Variants in COL4A5 observed in about 807,000 individuals in gnomAD.
COL4A5 encodes collagen alpha-5(IV) chain.
In COL4A5, 26 loss-of-function variants were observed where a neutral mutation model predicts 130.2. That is an observed-to-expected ratio of 0.20 (90% CI 0.15 to 0.28). The LOEUF (loss-of-function observed/expected upper bound fraction) is 0.28. Among genes scored for constraint, COL4A5 ranks in the 10% least tolerant of loss-of-function variants. The pLI is 1.00. For missense variants in COL4A5, 1,131 were observed against 1,344.3 expected, an observed-to-expected ratio of 0.84 and a Z score of 2.48; for synonymous variants, 496 against 439.6, an observed-to-expected ratio of 1.13 and a Z score of -1.60.
chrX:108,609,871 T>G (rs1331052556), intron 29 of COL4A5, among the ~76,000 whole-genome samples: 2 of 110,791 alleles, frequency 1.8e-5, no homozygotes, highest in Non-Finnish European at 3.8e-5. Flanking sequence ...TTTTATTTAT[T>G]TATTTTGCTG....
chrX:108,532,926 T>G, intron 1 of COL4A5, among the ~76,000 whole-genome samples: 1 of 112,042 alleles, frequency 8.9e-6, no homozygotes, highest in Non-Finnish European at 1.9e-5. Flanking sequence ...TACTCATGGA[T>G]CAGAAGAATT....
chrX:108,519,142 G>A (rs1251915595), intron 1 of COL4A5, among the ~76,000 whole-genome samples: 1 of 110,994 alleles, frequency 9.0e-6, no homozygotes, highest in African/African-American at 3.3e-5. Context: ...GATTGTGATA[G>A]GATATCAATA....
In COL4A5 at chrX:108,624,559, CT is replaced by C. The variant is rs200028646; in HGVS notation, c.3016+230del. Among the ~76,000 whole-genome samples, 7,932 of 112,020 alleles carry C rather than the reference CT, an allele frequency of 0.071. 302 individuals are homozygous for C. The highest frequency in any genetic ancestry group is 0.11 in the Non-Finnish European group (5,955 of 53,087). ...TTTTGCCTTGATTATTCAGTTTCTT[CT>C]TTTTGTGGCAGCAGGGTATACACAG... On this transcript the variant is annotated intron_variant, in intron 34 of 52. Coordinates refer to ENST00000328300, the MANE Select transcript of COL4A5 (RefSeq NM_033380.3).
chrX:108,550,071 G>C (rs1052809021), intron 2 of COL4A5, among the ~76,000 whole-genome samples: 1 of 111,732 alleles, frequency 8.9e-6, no homozygotes, highest in African/African-American at 3.2e-5. Context: ...TTCCAGAAGA[G>C]TTTACTGATG....
intron 26 of COL4A5, 152 bp from the exon 27 acceptor site, chrX:108,601,733 G>T (rs1251875897): frequency 8.4e-6 from 4 of 473,434 alleles, no homozygotes; most frequent in Non-Finnish European, 1.5e-5. Context: ...GTTTCTCCAC[G>T]TTGGCCAGGC....
rs764389956 is a variant in COL4A5 at position 108,666,548 on chromosome X, C to T, written c.3507C>T (p.Pro1169=). ...GGCCTCCAGGCGAAAAAGGCAAACCCGGTCAAGATGGTATTCCTGGACCAG... is the reference window on the plus strand; with the variant it reads ...GGCCTCCAGGCGAAAAAGGCAAACCTGGTCAAGATGGTATTCCTGGACCAG... ...QPGPPGEKGK[P]GQDGIPGPAG... The change falls in exon 39 of 53, where the codon CCC becomes CCT. Residue 1169 remains proline, a synonymous_variant. Transcript: ENST00000328300. 2.0e-5 allele frequency: 24 copies of T among 1,207,169 alleles called. No homozygotes were observed. The highest frequency in any genetic ancestry group is 5.3e-5 in the South Asian group (3 of 56,123).
chrX:108,480,890 C>T (rs976277036), intron 1 of COL4A5, among the ~76,000 whole-genome samples: 1 of 112,244 alleles, frequency 8.9e-6, no homozygotes, highest in Non-Finnish European at 1.9e-5. Context: ...TGCAATCTCT[C>T]CACGGATACG....
At chrX:108,696,221 G>A (rs1387304328) in intron 52 of COL4A5, 76 bp from the exon 53 acceptor site, 1 of 846,795 alleles carries the variant, frequency 1.2e-6, no homozygotes. Context: ...AAAATGTTTA[G>A]TTATAAATTT....
At position 108,440,271 on chromosome X, in the gene COL4A5, T is replaced by TTGG. The variant is rs761419877; in HGVS notation, c.81+65_81+66insTGG. On this transcript the variant is annotated intron_variant, in intron 1 of 52. Coordinates refer to ENST00000328300, the MANE Select transcript of COL4A5 (RefSeq NM_033380.3). The stretch of plus-strand genomic sequence containing the variant: ...TTTCACGCTGAAATTACCTTTTTTT[T>TTGG]GGGGGGGGGGTCCCTTTATCTTCCT... 7 of 632,960 alleles carry TTGG rather than the reference T, an allele frequency of 1.1e-5. No homozygotes were observed. In the African/African-American group the frequency reaches 1.4e-4, roughly 13 times the overall value. 52.2% of individuals were successfully genotyped at this position (632,960 alleles called of 1,213,427 possible). A position where few individuals can be genotyped will look rare whatever the true frequency, so the allele number is the denominator to read the frequency against.
intron 30 of COL4A5, among the ~76,000 whole-genome samples, chrX:108,617,608 T>C (rs1173751504): frequency 8.9e-6 from 1 of 111,983 alleles, no homozygotes; most frequent in East Asian, 2.8e-4. Flanking sequence ...AGAAACAAAA[T>C]ATTTTTCATC....
intron 1 of COL4A5, among the ~76,000 whole-genome samples, chrX:108,479,287 T>C (rs751498697): frequency 2.7e-5 from 3 of 112,565 alleles, no homozygotes; most frequent in Non-Finnish European, 3.8e-5. Context: ...TTCCCAGTCA[T>C]GCTTTTTCCA....
intron 18 of COL4A5, 36 bp downstream of exon 18, chrX:108,584,561 T>C: frequency 8.9e-7 from 1 of 1,128,829 alleles, no homozygotes; most frequent in Non-Finnish European, 1.2e-6. Context: ...TTTATCAAAT[T>C]TATTAATGCA....
At chrX:108,669,194 T>C (rs183817996) in intron 41 of COL4A5, among the ~76,000 whole-genome samples, 23 of 112,087 alleles carry the variant, frequency 2.1e-4, no homozygotes, top group African/African-American at 6.5e-4. Context: ...ATTTTGGAAA[T>C]GCTCGTTTTC....
chrX:108,553,569 T>C (rs1375201673), intron 2 of COL4A5, among the ~76,000 whole-genome samples: 2 of 111,641 alleles, frequency 1.8e-5, no homozygotes, highest in Non-Finnish European at 3.8e-5. Context: ...TGTTAGAATA[T>C]CTAATAAAAA....
intron 22 of COL4A5, among the ~76,000 whole-genome samples, chrX:108,595,840 C>A (rs953161641): frequency 1.8e-5 from 2 of 112,020 alleles, no homozygotes; most frequent in African/African-American, 6.5e-5. Flanking sequence ...ATATATCTTC[C>A]CCATTTTCCA....
At chrX:108,560,545 G>T (rs2065885375) in intron 3 of COL4A5, among the ~76,000 whole-genome samples, 1 of 113,057 alleles carries the variant, frequency 8.8e-6, no homozygotes, top group Non-Finnish European at 1.9e-5. Flanking sequence ...GTTGTCTGGA[G>T]TATTCCCATG....
In COL4A5 at chrX:108,681,774, C is replaced by CT; in HGVS notation, c.4102_4103insT (p.Pro1368LeufsTer11). The stretch of plus-strand genomic sequence containing the variant: ...TTGTCTCATAGGTCCTCCTGGATTA[C>CT]CTGGTCCTTCAGGACAGAGTATCAT... On this transcript the variant is annotated frameshift_variant, in exon 47 of 53. Transcript: ENST00000328300. LOFTEE classifies it high-confidence loss of function. 1 of 1,207,715 alleles carries CT rather than the reference C, an allele frequency of 8.3e-7. No homozygotes were observed. Among genetic ancestry groups the CT allele is most frequent in the African/African-American group, 1.7e-5 (1 of 57,519 alleles).
At chrX:108,544,806 A>G (rs1038729735) in intron 2 of COL4A5, among the ~76,000 whole-genome samples, 1 of 111,593 alleles carries the variant, frequency 9.0e-6, no homozygotes, top group African/African-American at 3.3e-5. Flanking sequence ...TGGTCTATTC[A>G]GAGATTCAAC....
chrX:108,514,758 G>A (rs1339345613), intron 1 of COL4A5, among the ~76,000 whole-genome samples: 3 of 111,877 alleles, frequency 2.7e-5, no homozygotes, highest in Non-Finnish European at 3.8e-5. Context: ...TAAGATCACC[G>A]CAGATCATCC....
Sources: gnomAD v4.1 joint callset for allele counts (sites outside exome capture counted in the v4.1 genomes callset) on GRCh38, gnomAD v4.1.1 for gene constraint, MANE v1.5 for transcripts, NCBI Gene and HGNC (gene_info 2026-07-23, HGNC 2026-07-21) for gene names.